The following ESF1 variants were observed in gnomAD, a reference collection of about 807,000 sequenced individuals.
ESF1 encodes the protein ESF1 homolog.
Under a neutral mutation model 92.0 loss-of-function variants are expected in ESF1, and 58 were observed. The observed-to-expected ratio is 0.63, with a 90% CI of 0.51 to 0.78. The LOEUF is 0.78. Ranked by LOEUF, ESF1 falls within the 30% of genes least tolerant of loss-of-function variation. The pLI is 0.00. For missense variants in ESF1, 922 were observed against 989.1 expected (o/e 0.93, Z 0.91); for synonymous variants, 321 against 313.7 (o/e 1.02, Z -0.24).
chr20:13,739,072 G>A (rs2049994316), intron 9 of ESF1, among the ~76,000 whole-genome samples: 1 of 152,148 alleles, frequency 6.6e-6, no homozygotes, highest in African/African-American at 2.4e-5. Context: ...TGAGGGTACA[G>A]GAAGCTGCTT....
intron 9 of ESF1, among the ~76,000 whole-genome samples, chr20:13,738,321 T>TC (rs1437693416): frequency 6.6e-6 from 1 of 151,240 alleles, no homozygotes; most frequent in Non-Finnish European, 1.5e-5. Context: ...CCTAAACTTT[T>TC]TTTTTTTTTT....
chr20:13,775,590 T>G (rs1312439588), intron 3 of ESF1, among the ~76,000 whole-genome samples: 1 of 152,170 alleles, frequency 6.6e-6, no homozygotes, highest in East Asian at 1.9e-4. Context: ...TATGTTACCC[T>G]GCAACATTTC....
chr20:13,722,048 CAT>C (rs986947537), intron 11 of ESF1, among the ~76,000 whole-genome samples: 2 of 152,098 alleles, frequency 1.3e-5, no homozygotes, highest in African/African-American at 4.8e-5. Context: ...GGACAAATGA[CAT>C]ATGCAAAATA....
rs759518370 is a variant in ESF1, at chr20:13,759,859, GA to G, written c.1667-7del. 2.6e-4 allele frequency: 410 copies of G among 1,566,558 alleles called. 1 individual carries two copies. Among genetic ancestry groups the G allele is most frequent in the East Asian group, 5.8e-4 (25 of 43,170 alleles). On this transcript the variant is annotated splice_polypyrimidine_tract_variant and splice_region_variant and intron_variant, in intron 8 of 13. Transcript: ENST00000617257. ...TACATTGACTCCATCATCACCTAATGAAAAAAAAATTCACTTAATACACAGA... is the reference window on the plus strand; with the variant it reads ...TACATTGACTCCATCATCACCTAATGAAAAAAAATTCACTTAATACACAGA...
chr20:13,742,209 A>G (rs1436420527), intron 9 of ESF1, among the ~76,000 whole-genome samples: 3 of 152,174 alleles, frequency 2.0e-5, no homozygotes, highest in African/African-American at 4.8e-5. Flanking sequence ...TCTACTAAAA[A>G]TACAAAAAAT....
intron 9 of ESF1, among the ~76,000 whole-genome samples, chr20:13,757,925 G>A (rs146267600): frequency 1.1e-4 from 17 of 151,910 alleles, no homozygotes; most frequent in South Asian, 4.1e-4. Flanking sequence ...TCTAAGATTA[G>A]AATTAAACTA....
At chr20:13,766,395 C>A (rs928872421) in intron 8 of ESF1, among the ~76,000 whole-genome samples, 10 of 152,064 alleles carry the variant, frequency 6.6e-5, no homozygotes, top group African/African-American at 1.9e-4. Context: ...ATTACAGAAA[C>A]AGGGAGTCTA....
At chr20:13,779,374 G>T (rs1272453450) in intron 2 of ESF1, among the ~76,000 whole-genome samples, 3 of 152,122 alleles carry the variant, frequency 2.0e-5, no homozygotes, top group Non-Finnish European at 4.4e-5. Context: ...GGTTATTTTA[G>T]TATACAACCA....
chr20:13,719,693 T>C (rs2049854573), intron 11 of ESF1, among the ~76,000 whole-genome samples: 1 of 151,874 alleles, frequency 6.6e-6, no homozygotes, highest in African/African-American at 2.4e-5. Flanking sequence ...TATGAGAAAA[T>C]ACAAGGGAAC....
intron 9 of ESF1, among the ~76,000 whole-genome samples, chr20:13,753,100 C>G (rs1176539719): frequency 6.6e-6 from 1 of 152,148 alleles, no homozygotes; most frequent in African/African-American, 2.4e-5. Context: ...CAAAACTAAT[C>G]TCAAAATCCC....
chr20:13,751,740 A>AT (rs1365306829), intron 9 of ESF1, among the ~76,000 whole-genome samples: 2 of 152,244 alleles, frequency 1.3e-5, no homozygotes, highest in African/African-American at 2.4e-5. Context: ...GTGGTGGCTC[A>AT]TGCCTGTAAT....
intron 9 of ESF1, 64 bp from the exon 10 acceptor site, chr20:13,733,906 T>C: frequency 2.0e-6 from 3 of 1,510,644 alleles, no homozygotes; most frequent in East Asian, 2.3e-5. Flanking sequence ...CTTAAACATA[T>C]AATTTATAAA....
At chr20:13,733,622 T>C in intron 10 of ESF1, 99 bp downstream of exon 10, 2 of 1,267,952 alleles carry the variant, frequency 1.6e-6, no homozygotes, top group Non-Finnish European at 1.1e-6. Flanking sequence ...CCTACTTCAG[T>C]GAGTGGTTAC....
intron 1 of ESF1, 22 bp downstream of exon 1, chr20:13,784,858 A>G: frequency 1.7e-6 from 1 of 596,410 alleles, no homozygotes. Flanking sequence ...GAGCTCTTCA[A>G]CTCCAGTCCA....
At chr20:13,769,820 CATTTTTAAAG>C in intron 7 of ESF1, 77 bp downstream of exon 7, 2 of 891,000 alleles carry the variant, frequency 2.2e-6, no homozygotes, top group Non-Finnish European at 3.6e-6. Context: ...TAATACTTTC[CATTTTTAAAG>C]ATGCTATAAG....
At chr20:13,760,946 A>C (rs1358764305) in intron 8 of ESF1, among the ~76,000 whole-genome samples, 1 of 152,220 alleles carries the variant, frequency 6.6e-6, no homozygotes, top group Non-Finnish European at 1.5e-5. Context: ...AAAAGGGGGA[A>C]AGGTGGGGAA....
chr20:13,715,054 C>T lies in ESF1; in HGVS notation c.2376G>A (p.Glu792=), dbSNP rs1031030322. 41 of 1,613,714 alleles carry T rather than the reference C, an allele frequency of 2.5e-5. No individual in the cohort carries two copies. The Admixed American group carries it at 6.7e-4, about 26-fold the overall frequency. The change falls in exon 14 of 14, where the codon GAG becomes GAA. Residue 792 remains glutamate (E), a synonymous_variant. Coordinates refer to ENST00000617257, the MANE Select transcript of ESF1 (RefSeq NM_001276380.2). The part of the protein sequence containing the change: ...KTKAMEKILE[E]KARQRERKEQ... ...CTTTCCGTTCTCTTTGCCGGGCCTTCTCCTCAAGGATTTTTTCCATAGCTT... is the reference window on the plus strand; with the variant it reads ...CTTTCCGTTCTCTTTGCCGGGCCTTTTCCTCAAGGATTTTTTCCATAGCTT...
intron 11 of ESF1, 119 bp downstream of exon 11, chr20:13,728,259 A>G: frequency 2.8e-6 from 2 of 717,746 alleles, no homozygotes; most frequent in Non-Finnish European, 4.6e-6. Context: ...TGCTTATGTC[A>G]CTAAGGGAGC....
At position 13,780,449 on chromosome 20, in the gene ESF1, T is replaced by G. The variant is rs142318658; in HGVS notation, c.637+2055A>C. ...TCTTCAATTTTAGTAACCGGATTCC[T>G]ATCCTTTCTTCCCACACCTCAAGAG... On this transcript the variant is annotated intron_variant, in intron 2 of 13. Transcript: ENST00000617257. 1.4e-4 allele frequency among the ~76,000 whole-genome samples: 22 copies of G among 152,342 alleles called. 1 individual carries two copies. The highest frequency in any genetic ancestry group is 4.3e-4 in the African/African-American group (18 of 41,586).
Sources: allele counts gnomAD v4.1 joint callset (sites outside exome capture counted in the v4.1 genomes callset), GRCh38; gene constraint gnomAD v4.1.1; transcripts MANE v1.5; gene names NCBI Gene and HGNC (gene_info 2026-07-23, HGNC 2026-07-21).